Variants in DLGAP1 observed in about 807,000 individuals in gnomAD.
DLGAP1 encodes disks large-associated protein 1.
DLGAP1 carries 11 observed loss-of-function variants against 90.8 expected under a neutral mutation model. That is an observed-to-expected ratio of 0.12 (90% CI 0.08 to 0.20). DLGAP1 has a LOEUF of 0.20. Ranked by LOEUF, DLGAP1 falls within the 10% of genes least tolerant of loss-of-function variation. DLGAP1 has a pLI of 1.00. For missense variants in DLGAP1, 1,050 were observed against 1,333.8 expected (o/e 0.79, Z 3.31); for synonymous variants, 558 against 540.7 (o/e 1.03, Z -0.44).
At chr18:3,623,018 T>C (rs896064394) in intron 7 of DLGAP1, among the ~76,000 whole-genome samples, 1 of 152,208 alleles carries the variant, frequency 6.6e-6, no homozygotes, top group East Asian at 1.9e-4. Flanking sequence ...TTGGCCAGGC[T>C]GGTCTTGAAC....
intron 3 of DLGAP1, among the ~76,000 whole-genome samples, chr18:3,887,769 G>A (rs2148848345): frequency 6.6e-6 from 1 of 152,158 alleles, no homozygotes; most frequent in South Asian, 2.1e-4. Context: ...ATAAGAAAAT[G>A]GTTCTTACTA....
rs1337035154 is a variant in DLGAP1, at chr18:4,086,762, T to C, written c.-159+64418A>G. Reference sequence around the variant, plus strand: ...TCCATATGCACTTAAAAAGAATGTATATTCTTTTTAAGTCAGGTCAAGTTT... The same window carrying C: ...TCCATATGCACTTAAAAAGAATGTACATTCTTTTTAAGTCAGGTCAAGTTT... On this transcript the variant is annotated intron_variant, in intron 2 of 12. Transcript: ENST00000315677. 4.6e-5 allele frequency among the ~76,000 whole-genome samples: 7 copies of C among 152,046 alleles called. No individual in the cohort carries two copies. The South Asian group carries it at 8.3e-4, about 18-fold the overall frequency.
chr18:4,388,406 C>T (rs1013109317), intron 1 of DLGAP1, among the ~76,000 whole-genome samples: 2 of 152,004 alleles, frequency 1.3e-5, no homozygotes, highest in African/African-American at 2.4e-5. Flanking sequence ...CAGCTTGGAA[C>T]GCAGGAGACA....
chr18:3,931,398 C>G (rs2072512526), intron 3 of DLGAP1, among the ~76,000 whole-genome samples: 1 of 152,202 alleles, frequency 6.6e-6, no homozygotes, highest in African/African-American at 2.4e-5. Flanking sequence ...TGCTTCCTCT[C>G]TGGGACTGCA....
At chr18:3,888,107 C>CAAAAAAA (rs1164887393) in intron 3 of DLGAP1, among the ~76,000 whole-genome samples, 4 of 49,390 alleles carry the variant, frequency 8.1e-5, no homozygotes, top group African/African-American at 2.3e-4. Context: ...GACTCCATCT[C>CAAAAAAA]AAAAAAAAAA....
At chr18:3,684,943 G>A (rs978610523) in intron 7 of DLGAP1, among the ~76,000 whole-genome samples, 8 of 152,310 alleles carry the variant, frequency 5.3e-5, no homozygotes, top group Admixed American at 2.0e-4. Flanking sequence ...TTGTTCAAAT[G>A]AAAAGCTGAA....
chr18:4,051,533 A>G (rs2075134020), intron 2 of DLGAP1, among the ~76,000 whole-genome samples: 1 of 152,228 alleles, frequency 6.6e-6, no homozygotes, highest in South Asian at 2.1e-4. Context: ...CCCCATGATT[A>G]AATTACTTCC....
chr18:3,602,686 T>C (rs2057130325), intron 7 of DLGAP1, among the ~76,000 whole-genome samples: 1 of 151,252 alleles, frequency 6.6e-6, no homozygotes, highest in African/African-American at 2.4e-5. Flanking sequence ...GCACTAGATA[T>C]GTTTATTATC....
chr18:4,292,331 CAGAT>C (rs1284833792), intron 1 of DLGAP1, among the ~76,000 whole-genome samples: 1 of 151,884 alleles, frequency 6.6e-6, no homozygotes, highest in Non-Finnish European at 1.5e-5. Context: ...AAACAAAAAG[CAGAT>C]AGAATCAGCC....
chr18:4,350,118 C>G (rs933384429), intron 1 of DLGAP1, among the ~76,000 whole-genome samples: 1 of 152,130 alleles, frequency 6.6e-6, no homozygotes, highest in Non-Finnish European at 1.5e-5. Context: ...TTCAATGCCT[C>G]TGCTGAACAT....
At chr18:4,450,975 T>C (rs984106759) in intron 1 of DLGAP1, among the ~76,000 whole-genome samples, 1 of 152,234 alleles carries the variant, frequency 6.6e-6, no homozygotes, top group African/African-American at 2.4e-5. Context: ...TCTGTGGATA[T>C]AGATCCACAG....
At chr18:3,870,051 A>G (rs1275657515) in intron 4 of DLGAP1, among the ~76,000 whole-genome samples, 1 of 152,168 alleles carries the variant, frequency 6.6e-6, no homozygotes. Context: ...TTCATCTATT[A>G]GGCTCTACTG....
At chr18:4,341,424 A>C (rs1480374866) in intron 1 of DLGAP1, among the ~76,000 whole-genome samples, 1 of 152,182 alleles carries the variant, frequency 6.6e-6, no homozygotes, top group Non-Finnish European at 1.5e-5. Flanking sequence ...CAATACCAAA[A>C]TGACTAGGTA....
chr18:4,302,852 A>G (rs959235164), intron 1 of DLGAP1, among the ~76,000 whole-genome samples: 33 of 152,230 alleles, frequency 2.2e-4, no homozygotes, highest in African/African-American at 8.0e-4. Context: ...ACATGAACAC[A>G]GTCTATCTCT....
chr18:4,424,298 T>G (rs1198319812), intron 1 of DLGAP1, among the ~76,000 whole-genome samples: 1 of 152,112 alleles, frequency 6.6e-6, no homozygotes, highest in Non-Finnish European at 1.5e-5. Context: ...CTAAGCAAAC[T>G]TTTCTCCTTT....
intron 2 of DLGAP1, among the ~76,000 whole-genome samples, chr18:4,124,429 G>A (rs1054556110): frequency 6.6e-6 from 1 of 152,192 alleles, no homozygotes; most frequent in Admixed American, 6.5e-5. Context: ...GAATTTTGGA[G>A]TAGATGAAGA....
At chr18:4,219,004 G>A (rs1043782405) in intron 1 of DLGAP1, among the ~76,000 whole-genome samples, 10 of 146,538 alleles carry the variant, frequency 6.8e-5, no homozygotes, top group Admixed American at 1.4e-4. Context: ...GGAATTGCTG[G>A]GTCTTATGCT....
intron 1 of DLGAP1, among the ~76,000 whole-genome samples, chr18:4,402,181 G>T (rs1240318144): frequency 1.3e-5 from 2 of 152,144 alleles, no homozygotes; most frequent in Non-Finnish European, 2.9e-5. Context: ...TGGCCAATAA[G>T]TACCTAATCA....
At chr18:4,098,262 A>G (rs1353490124) in intron 2 of DLGAP1, among the ~76,000 whole-genome samples, 1 of 152,250 alleles carries the variant, frequency 6.6e-6, no homozygotes, top group Non-Finnish European at 1.5e-5. Flanking sequence ...TAAAAATACA[A>G]GAAGATATTG....
Sources: gnomAD v4.1 joint callset for allele counts (sites outside exome capture counted in the v4.1 genomes callset) on GRCh38, gnomAD v4.1.1 for gene constraint, MANE v1.5 for transcripts, NCBI Gene and HGNC (gene_info 2026-07-23, HGNC 2026-07-21) for gene names.